IFI44: variants seen among roughly 807,000 people sequenced by gnomAD.
The protein encoded by IFI44 is interferon-induced protein 44.
Under a neutral mutation model 45.0 loss-of-function variants are expected in IFI44, and 42 were observed. The ratio of observed to expected loss-of-function variants is 0.93; its 90% confidence interval spans 0.73 to 1.21. The LOEUF (loss-of-function observed/expected upper bound fraction) is 1.21. Among genes scored for constraint, IFI44 ranks in the 50% most tolerant of loss-of-function variants. The pLI is 0.00. For missense variants in IFI44, 623 were observed against 525.8 expected, an observed-to-expected ratio of 1.18 and a Z score of -1.81; for synonymous variants, 221 against 188.6, an observed-to-expected ratio of 1.17 and a Z score of -1.41.
intron 8 of IFI44, chr1:78,663,492 A>G (rs1354574309): frequency 2.0e-6 from 2 of 985,070 alleles, no homozygotes; most frequent in African/African-American, 1.7e-5. Context: ...TCAGTTTAGT[A>G]TACTCAAATC....
intron 2 of IFI44, among the ~76,000 whole-genome samples, chr1:78,650,917 T>C (rs560179681): frequency 1.2e-4 from 19 of 152,364 alleles, no homozygotes; most frequent in African/African-American, 4.6e-4. Flanking sequence ...CTATAGGTTC[T>C]TGGAAAATGT....
chr1:78,650,428 T>C lies in IFI44; in HGVS notation c.233T>C (p.Ile78Thr), dbSNP rs745767862. The C allele has an allele frequency of 1.9e-6, 3 of 1,613,932 alleles. No homozygotes were observed. The South Asian group carries it at 3.3e-5, about 18-fold the overall frequency. Residue 78 changes from isoleucine to threonine, a missense_variant, in exon 2 of 9, where the codon ATC (isoleucine) becomes ACC (threonine). Ile to Thr is a moderately conservative substitution (Grantham distance 89, BLOSUM62 -1). Transcript: ENST00000370747. ...SYQEGKYASI[I>T]LFALQDTKIS... ...CAGGAAGGAAAGTATGCTTCCATCA[T>C]CCTTTTTGCACTTCAAGATACTAAA...
rs147263751 is a variant in IFI44, at chr1:78,660,620, T to C, written c.1079T>C (p.Ile360Thr). The change falls in exon 7 of 9, where the codon ATA becomes ACA. Residue 360 changes from isoleucine (I) to threonine (T), a missense_variant. By Grantham distance (89) the Ile-to-Thr change is moderately conservative (BLOSUM62 -1). Coordinates refer to ENST00000370747, the MANE Select transcript of IFI44 (RefSeq NM_006417.5). Reference sequence around the variant, plus strand: ...GATTTGATTACAAAAGGTGACCTTATAGAAATAGAGAGATGTGAGCCTGTG... The same window carrying C: ...GATTTGATTACAAAAGGTGACCTTACAGAAATAGAGAGATGTGAGCCTGTG... ...SMDLITKGDL[I>T]EIERCEPVRS... 7 of 1,613,566 alleles carry C rather than the reference T, an allele frequency of 4.3e-6. No individual in the cohort carries two copies. Among genetic ancestry groups the C allele is most frequent in the South Asian group, 3.3e-5 (3 of 91,074 alleles).
chr1:78,658,290 A>G (rs1205495934), intron 5 of IFI44, among the ~76,000 whole-genome samples: 2 of 152,052 alleles, frequency 1.3e-5, no homozygotes, highest in Non-Finnish European at 2.9e-5. Flanking sequence ...TCAGTATAAA[A>G]GCTCTATCAG....
chr1:78,663,590 T>C, intron 8 of IFI44, 175 bp from the exon 9 acceptor site: 1 of 985,400 alleles, frequency 1.0e-6, no homozygotes. Flanking sequence ...CTCATGTTAC[T>C]AACTTTGTTG....
At chr1:78,656,266 T>G (rs940454323) in intron 5 of IFI44, among the ~76,000 whole-genome samples, 4 of 152,224 alleles carry the variant, frequency 2.6e-5, no homozygotes, top group Non-Finnish European at 5.9e-5. Context: ...GCACTGTCAG[T>G]GATCCAGGCA....
At chr1:78,659,042 C>T (rs1647305235) in intron 5 of IFI44, among the ~76,000 whole-genome samples, 1 of 151,934 alleles carries the variant, frequency 6.6e-6, no homozygotes, top group Non-Finnish European at 1.5e-5. Flanking sequence ...CACTTTCAGC[C>T]ATATCCTTAT....
chr1:78,659,813 G>A (rs983715757), intron 6 of IFI44, among the ~76,000 whole-genome samples: 2 of 152,068 alleles, frequency 1.3e-5, no homozygotes, highest in African/African-American at 2.4e-5. Flanking sequence ...CTATATCTTC[G>A]CATGCTTTAT....
chr1:78,650,532 A>C lies in IFI44; in HGVS notation c.337A>C (p.Asn113His), dbSNP rs761351746. 31 of 1,613,638 alleles carry C rather than the reference A, an allele frequency of 1.9e-5. No homozygotes were observed. In the East Asian group the frequency reaches 6.9e-4, roughly 36 times the overall value. Residue 113 changes from asparagine to histidine, a missense_variant, in exon 2 of 9, where the codon AAT becomes CAT. Coordinates refer to ENST00000370747, the MANE Select transcript of IFI44 (RefSeq NM_006417.5). ...TGTTACAAAATATAACTCCCCAACT[A>C]ATTTCCAGATAGATGGAAGAAATAG... ...CDVTKYNSPT[N>H]FQIDGRNRKV...
At position 78,662,820 on chromosome 1, in the gene IFI44, G is replaced by T; in HGVS notation, c.1230G>T (p.Leu410=). Residue 410 remains leucine, a synonymous_variant, in exon 8 of 9, where the codon CTG becomes CTT. Coordinates refer to ENST00000370747, the MANE Select transcript of IFI44 (RefSeq NM_006417.5). ...PVKDVLILSA[L]RRMLWAADDF... is the part of the protein sequence containing the mutation. ...AGGATGTTCTAATTCTTTCTGCTCT[G>T]AGACGAATGCTATGGGCTGCAGATG... 1.2e-6 allele frequency: 2 copies of T among 1,613,856 alleles called. No homozygotes were observed. Among genetic ancestry groups the T allele is most frequent in the Non-Finnish European group, 1.7e-6 (2 of 1,179,886 alleles).
At position 78,654,224 on chromosome 1, in the gene IFI44, T is replaced by C. The variant is rs746863374; in HGVS notation, c.458-19T>C. 1 of 1,381,270 alleles carries C rather than the reference T, an allele frequency of 7.2e-7. No homozygotes were observed. The highest frequency in any genetic ancestry group is 1.2e-5 in the South Asian group (1 of 85,344). 85.6% of individuals were successfully genotyped at this position (1,381,270 alleles called of 1,614,324 possible). A position where few individuals can be genotyped will look rare whatever the true frequency, so the allele number is the denominator to read the frequency against. Reference sequence around the variant, plus strand: ...TTCGACAACTTCTAATCTACATTATTCTTTGATTATTTCCCCAGATTCACT... The same window carrying C: ...TTCGACAACTTCTAATCTACATTATCCTTTGATTATTTCCCCAGATTCACT... On this transcript the variant is annotated intron_variant, in intron 2 of 8. Coordinates refer to ENST00000370747, the MANE Select transcript of IFI44 (RefSeq NM_006417.5).
At chr1:78,654,173 TATTC>T (rs1433651447) in intron 2 of IFI44, 66 bp from the exon 3 acceptor site, 65 of 838,228 alleles carry the variant, frequency 7.8e-5, no homozygotes, top group Admixed American at 1.4e-4. Context: ...AATTCACTGA[TATTC>T]ATTCATTCAT....
intron 7 of IFI44, 177 bp from the exon 8 acceptor site, chr1:78,662,527 C>T (rs981734269): frequency 1.5e-5 from 9 of 585,946 alleles, no homozygotes; most frequent in Non-Finnish European, 2.7e-5. Flanking sequence ...TTATCAGTGA[C>T]ATTAGAACTT....
rs775517843 is a variant in IFI44, at chr1:78,650,248, A to G, written c.53A>G (p.His18Arg). 1.3e-5 allele frequency: 21 copies of G among 1,610,898 alleles called. No homozygotes were observed. The highest frequency in any genetic ancestry group is 5.1e-6 in the Non-Finnish European group (6 of 1,177,376). ...TWLHEKILQN[H>R]FGGKRLSLLY... Reference sequence around the variant, plus strand: ...TTGCACGAAAAGATCCTGCAAAATCATTTTGGAGGGAAGCGGCTTAGCCTT... The same window carrying G: ...TTGCACGAAAAGATCCTGCAAAATCGTTTTGGAGGGAAGCGGCTTAGCCTT... Residue 18 changes from histidine to arginine, a missense_variant, in exon 2 of 9, where the codon CAT becomes CGT. Coordinates refer to ENST00000370747, the MANE Select transcript of IFI44 (RefSeq NM_006417.5).
At chr1:78,660,742 C>G in intron 7 of IFI44, 88 bp downstream of exon 7, 1 of 892,306 alleles carries the variant, frequency 1.1e-6, no homozygotes, top group East Asian at 2.5e-5. Context: ...AAACAAGCAG[C>G]TACTGGGTTT....
intron 2 of IFI44, among the ~76,000 whole-genome samples, chr1:78,653,143 T>C (rs867247096): frequency 1.3e-5 from 2 of 152,088 alleles, no homozygotes; most frequent in Non-Finnish European, 2.9e-5. Flanking sequence ...TGGTTTTATA[T>C]TTTATAATTT....
Position 78,654,235 on chromosome 1 carries a change from T to G in IFI44, c.458-8T>G. The G allele has an allele frequency of 6.9e-7, 1 of 1,457,294 alleles. No homozygotes were observed. The highest frequency in any genetic ancestry group is 9.6e-7 in the Non-Finnish European group (1 of 1,039,542). The allele number at this position is 1,457,294 out of a possible 1,614,324, so 90.3% of individuals were successfully genotyped here. A position where few individuals can be genotyped will look rare whatever the true frequency, so the allele number is the denominator to read the frequency against. On this transcript the variant is annotated splice_region_variant and splice_polypyrimidine_tract_variant and intron_variant, in intron 2 of 8. Transcript: ENST00000370747. ...CTAATCTACATTATTCTTTGATTAT[T>G]TCCCCAGATTCACTGGATGAAAGAA...
chr1:78,659,504 C>CT (rs2100466844), intron 6 of IFI44, 21 bp downstream of exon 6: 2 of 1,596,744 alleles, frequency 1.3e-6, no homozygotes, highest in East Asian at 4.5e-5. Context: ...TTCCACTTTG[C>CT]TAAGGGTAAT....
At chr1:78,657,283 T>G (rs905754375) in intron 5 of IFI44, among the ~76,000 whole-genome samples, 6 of 152,088 alleles carry the variant, frequency 3.9e-5, no homozygotes, top group African/African-American at 1.4e-4. Flanking sequence ...TGTTCTGACT[T>G]TATATCCCTT....
Sources: allele counts gnomAD v4.1 joint callset (sites outside exome capture counted in the v4.1 genomes callset), GRCh38; gene constraint gnomAD v4.1.1; transcripts MANE v1.5; gene names NCBI Gene and HGNC (gene_info 2026-07-23, HGNC 2026-07-21).